Variants in PLEKHO2 observed in about 807,000 individuals in gnomAD.
PLEKHO2 encodes pleckstrin homology domain-containing family O member 2.
Under a neutral mutation model 32.7 loss-of-function variants are expected in PLEKHO2, and 20 were observed. The observed-to-expected ratio is 0.61, with a 90% CI of 0.43 to 0.89. PLEKHO2 has a LOEUF of 0.89. Ranked by LOEUF, PLEKHO2 falls within the 40% of genes least tolerant of loss-of-function variation. The pLI is 0.00. For missense variants in PLEKHO2, 568 were observed against 621.2 expected, an observed-to-expected ratio of 0.91 and a Z score of 0.91; for synonymous variants, 247 against 246.3, an observed-to-expected ratio of 1.00 and a Z score of -0.03.
chr15:64,855,314 T>C (rs1039525715), intron 3 of PLEKHO2, among the ~76,000 whole-genome samples: 4 of 152,110 alleles, frequency 2.6e-5, no homozygotes, highest in Non-Finnish European at 1.5e-5. Flanking sequence ...TCCCAGGCTG[T>C]AGTTGGAAAG....
rs766800768 is a variant in PLEKHO2, at chr15:64,865,418, G to A, written c.1003G>A (p.Ala335Thr). The change falls in exon 6 of 6, where the codon GCT becomes ACT. Residue 335 changes from alanine to threonine, a missense_variant. Transcript: ENST00000323544. ...TGAGATGCAGGCTTCTGGGCCACCT[G>A]CTCCAGGCACAGTGCAGGTCTCAGT... is the stretch of plus-strand genomic sequence containing the variant. ...MGEMQASGPP[A>T]PGTVQVSVNG... is the part of the protein sequence containing the mutation. 17 of 1,613,864 alleles carry A rather than the reference G, an allele frequency of 1.1e-5. No individual in the cohort carries two copies. In the African/African-American group the frequency reaches 1.6e-4, roughly 15 times the overall value.
At chr15:64,847,900 A>T (rs2084534880) in intron 1 of PLEKHO2, among the ~76,000 whole-genome samples, 1 of 152,174 alleles carries the variant, frequency 6.6e-6, no homozygotes, top group African/African-American at 2.4e-5. Flanking sequence ...AGAGAGGCAG[A>T]TTGCCACTCA....
chr15:64,845,320 G>A (rs116607801), intron 1 of PLEKHO2, among the ~76,000 whole-genome samples: 1,835 of 152,012 alleles, frequency 0.012, 43 homozygotes, highest in African/African-American at 0.042. Context: ...GGGTGAGGAG[G>A]GATGGGAGGG....
chr15:64,841,988 C>T lies in PLEKHO2; in HGVS notation c.-29C>T, dbSNP rs1407638958. 2.4e-6 allele frequency: 3 copies of T among 1,246,478 alleles called. No individual in the cohort carries two copies. The highest frequency in any genetic ancestry group is 3.1e-5 in the African/African-American group (2 of 64,508). The allele number at this position is 1,246,478 out of a possible 1,614,324, so 77.2% of individuals were successfully genotyped here. On this transcript the variant is annotated 5_prime_UTR_variant, in exon 1 of 6. Transcript: ENST00000323544. ...CCCGCGCGGCGCTGGAAGCGAGTGG[C>T]GGAGCGGCGGGACCTCGGCGGACTC...
chr15:64,843,272 C>A (rs986509231), intron 1 of PLEKHO2, among the ~76,000 whole-genome samples: 2 of 152,260 alleles, frequency 1.3e-5, no homozygotes, highest in Non-Finnish European at 2.9e-5. Context: ...CCTCCTCATA[C>A]TCCTGGCCTG....
At chr15:64,853,446 G>A (rs969891658) in intron 2 of PLEKHO2, among the ~76,000 whole-genome samples, 2 of 151,380 alleles carry the variant, frequency 1.3e-5, no homozygotes, top group African/African-American at 4.8e-5. Flanking sequence ...CCGGCTAACT[G>A]CCCGGCTAAT....
At chr15:64,860,155 C>T (rs1424650127) in intron 4 of PLEKHO2, among the ~76,000 whole-genome samples, 157 bp downstream of exon 4, 1 of 152,126 alleles carries the variant, frequency 6.6e-6, no homozygotes, top group Non-Finnish European at 1.5e-5. Flanking sequence ...CACTACAGCC[C>T]CTCATAGTAG....
intron 1 of PLEKHO2, among the ~76,000 whole-genome samples, chr15:64,843,059 C>A (rs1254604700): frequency 6.6e-6 from 1 of 152,184 alleles, no homozygotes; most frequent in African/African-American, 2.4e-5. Flanking sequence ...TGGGGGAACC[C>A]TGGCCAGCTG....
In PLEKHO2 at chr15:64,852,503, G is replaced by C. The variant is rs143223190; in HGVS notation, c.163-2418G>C. Among the ~76,000 whole-genome samples, 126 of 152,270 alleles carry C rather than the reference G, an allele frequency of 8.3e-4. No individual in the cohort carries two copies. The Middle Eastern group carries it at 0.01, about 12-fold the overall frequency. On this transcript the variant is annotated intron_variant, in intron 2 of 5. Coordinates refer to ENST00000323544, the MANE Select transcript of PLEKHO2 (RefSeq NM_025201.5). ...AGTCATCTGCTTTAAAATATCCTGA[G>C]GTCTGGGCCTTGCACCCCAAGAGAT...
At chr15:64,844,117 T>G (rs559120078) in intron 1 of PLEKHO2, among the ~76,000 whole-genome samples, 2 of 152,354 alleles carry the variant, frequency 1.3e-5, no homozygotes, top group Non-Finnish European at 2.9e-5. Context: ...TCTTAGGTCA[T>G]AGCCACATGC....
In PLEKHO2 at chr15:64,866,399, C is replaced by G; in HGVS notation, c.*511C>G. On this transcript the variant is annotated 3_prime_UTR_variant, in exon 6 of 6. Transcript: ENST00000323544. ...ACCTATTCTGAGTAGCTGCAGAGGC[C>G]TTGGGTCCAGGCTCTAGGTTCATCC... 2.2e-6 allele frequency: 1 copy of G among 456,400 alleles called. No homozygotes were observed. Among genetic ancestry groups the G allele is most frequent in the South Asian group, 1.5e-5 (1 of 64,560 alleles). The allele number at this position is 456,400 out of a possible 1,614,324, so 28.3% of individuals were successfully genotyped here.
intron 2 of PLEKHO2, among the ~76,000 whole-genome samples, chr15:64,852,000 G>A (rs140661853): frequency 6.6e-6 from 1 of 152,216 alleles, no homozygotes; most frequent in East Asian, 1.9e-4. Context: ...CATATGTTCT[G>A]CTTGAGGGCT....
Position 64,857,000 on chromosome 15 carries a change from C to T in PLEKHO2, c.279+1963C>T, listed in dbSNP as rs79847531. ...CCAATGTCTTACATGCCCCTCTCCC[C>T]CTGCTTCTCCAGCCCCACACCCCTG... On this transcript the variant is annotated intron_variant, in intron 3 of 5. Transcript: ENST00000323544. Among the ~76,000 whole-genome samples, 1,361 of 152,354 alleles carry T rather than the reference C, an allele frequency of 8.9e-3. 26 individuals carry two copies. Among genetic ancestry groups the T allele is most frequent in the African/African-American group, 0.031 (1,287 of 41,590 alleles).
chr15:64,861,532 G>A lies in PLEKHO2; in HGVS notation c.440G>A (p.Gly147Glu). The A allele has an allele frequency of 6.2e-7, 1 of 1,609,304 alleles. No homozygotes were observed. Among genetic ancestry groups the A allele is most frequent in the South Asian group, 1.1e-5 (1 of 90,004 alleles). The change falls in exon 5 of 6, where the codon GGG becomes GAG. Residue 147 changes from glycine (G) to glutamate (E), a missense_variant. By Grantham distance (98) the Gly-to-Glu change is moderately conservative. Transcript: ENST00000323544. ...LEHVTRDRVR[G>E]GQRRRPPTRV... ...CATGTGACACGGGACCGGGTGCGAG[G>A]GGGCCAGCGACGCCGGCCACCAACG... is the stretch of plus-strand genomic sequence containing the variant.
intron 2 of PLEKHO2, among the ~76,000 whole-genome samples, chr15:64,849,621 T>G (rs2084551316): frequency 1.3e-5 from 2 of 151,284 alleles, no homozygotes; most frequent in South Asian, 2.1e-4. Context: ...TTTTGTATTT[T>G]TAGTAGAGAC....
intron 4 of PLEKHO2, among the ~76,000 whole-genome samples, chr15:64,860,350 G>C (rs1484920648): frequency 6.6e-6 from 1 of 152,230 alleles, no homozygotes; most frequent in Non-Finnish European, 1.5e-5. Context: ...AGAGTGAGCC[G>C]ACAGCTCCCT....
chr15:64,848,806 G>C (rs1038982396), intron 2 of PLEKHO2, 64 bp downstream of exon 2: 3 of 1,600,354 alleles, frequency 1.9e-6, no homozygotes, highest in Middle Eastern at 4.2e-4. Flanking sequence ...GGGCATTCAA[G>C]TTAGTAGGAG....
intron 3 of PLEKHO2, among the ~76,000 whole-genome samples, chr15:64,858,684 C>G (rs1186064140): frequency 6.6e-6 from 1 of 152,150 alleles, no homozygotes; most frequent in Non-Finnish European, 1.5e-5. Flanking sequence ...GGTGCTAATT[C>G]CTATTACTGA....
At position 64,865,230 on chromosome 15, in the gene PLEKHO2, T is replaced by G; in HGVS notation, c.815T>G (p.Val272Gly). The G allele has an allele frequency of 6.2e-7, 1 of 1,614,076 alleles. No homozygotes were observed. Among genetic ancestry groups the G allele is most frequent in the Admixed American group, 1.7e-5 (1 of 60,026 alleles). Reference sequence around the variant, plus strand: ...AGCGTCCTGCCTGACAAACTGAAGGTGAGCTGGGAGAACCCCAGCCCCCAG... The same window carrying G: ...AGCGTCCTGCCTGACAAACTGAAGGGGAGCTGGGAGAACCCCAGCCCCCAG... ...PNSVLPDKLKVSWENPSPQEA... is the reference protein window; with the variant it reads ...PNSVLPDKLKGSWENPSPQEA... Residue 272 changes from valine to glycine, a missense_variant, in exon 6 of 6, where the codon GTG (valine) becomes GGG (glycine). Physicochemically the swap from Val to Gly is moderately radical, Grantham distance 109. Coordinates refer to ENST00000323544, the MANE Select transcript of PLEKHO2 (RefSeq NM_025201.5).
Sources: allele counts gnomAD v4.1 joint callset (sites outside exome capture counted in the v4.1 genomes callset), GRCh38; gene constraint gnomAD v4.1.1; transcripts MANE v1.5; gene names NCBI Gene and HGNC (gene_info 2026-07-23, HGNC 2026-07-21).